The following RPGRIP1L variants were observed in gnomAD, a reference collection of about 807,000 sequenced individuals.
RPGRIP1L encodes protein fantom.
RPGRIP1L carries 131 observed loss-of-function variants against 160.4 expected under a neutral mutation model. The observed-to-expected ratio is 0.82, with a 90% confidence interval of 0.71 to 0.94. The LOEUF (loss-of-function observed/expected upper bound fraction) is 0.94. RPGRIP1L is among the 40% of genes least tolerant of loss of function. The pLI is 0.00. For missense variants in RPGRIP1L, 1,522 were observed against 1,535.8 expected (o/e 0.99, Z 0.15); for synonymous variants, 510 against 515.8 (o/e 0.99, Z 0.15).
chr16:53,702,773 C>G (rs996507233), intron 1 of RPGRIP1L, among the ~76,000 whole-genome samples: 1 of 151,878 alleles, frequency 6.6e-6, no homozygotes, highest in Non-Finnish European at 1.5e-5. Flanking sequence ...CCACCTCAGC[C>G]TCCCGAGTAG....
At chr16:53,657,381 T>C in intron 13 of RPGRIP1L, 72 bp downstream of exon 13, 2 of 1,019,146 alleles carry the variant, frequency 2.0e-6, no homozygotes, top group East Asian at 2.5e-5. Flanking sequence ...GGTGATAACA[T>C]ACAGTATTTA....
chr16:53,672,965 C>A lies in RPGRIP1L; in HGVS notation c.934G>T (p.Glu312Ter). The A allele has an allele frequency of 6.2e-7, 1 of 1,613,252 alleles. No individual in the cohort carries two copies. Among genetic ancestry groups the A allele is most frequent in the Non-Finnish European group, 8.5e-7 (1 of 1,179,514 alleles). The stretch of plus-strand genomic sequence containing the variant: ...TGCTCTTTAAGTTGCATGTTTAATT[C>A]ATCCCCATTTGCCATCAAAGCATCG... ...SHDALMANGD[E>*]LNMQLKEQRL... The change falls in exon 8 of 27, where the codon GAA becomes TAA. Residue 312 changes from glutamate (E) to a stop codon, truncating the protein, a stop_gained. Coordinates refer to ENST00000647211, the MANE Select transcript of RPGRIP1L (RefSeq NM_015272.5). LOFTEE classifies it high-confidence loss of function.
Position 53,641,419 on chromosome 16 carries a change from A to T in RPGRIP1L, c.2740T>A (p.Leu914Met). ...KHPAGTIHVI[L>M]KWKFAYLPPS... ...GGAAGGTAAGCAAATTTCCATTTCA[A>T]TATAACATGGATGGTGCCAGCAGGA... The change falls in exon 18 of 27, where the codon TTG (leucine) becomes ATG (methionine). Residue 914 changes from leucine (L) to methionine (M), a missense_variant. By Grantham distance (15) the Leu-to-Met change is conservative (BLOSUM62 2). Coordinates refer to ENST00000647211, the MANE Select transcript of RPGRIP1L (RefSeq NM_015272.5). 1 of 1,613,994 alleles carries T rather than the reference A, an allele frequency of 6.2e-7. No homozygotes were observed. The highest frequency in any genetic ancestry group is 1.1e-5 in the South Asian group (1 of 91,080).
At position 53,687,935 on chromosome 16, in the gene RPGRIP1L, T is replaced by C. The variant is rs767678013; in HGVS notation, c.560A>G (p.Glu187Gly). The C allele has an allele frequency of 6.2e-7, 1 of 1,609,130 alleles. No individual in the cohort carries two copies. Among genetic ancestry groups the C allele is most frequent in the Admixed American group, 1.7e-5 (1 of 59,996 alleles). ...GIKFQDADVA[E>G]TPHPMFTKYG... is the part of the protein sequence containing the mutation. The stretch of plus-strand genomic sequence containing the variant: ...TTTTGTAAACATGGGATGTGGAGTT[T>C]CTGCTACATCTGCATCTTGGAATTT... The change falls in exon 5 of 27, where the codon GAA becomes GGA. Residue 187 changes from glutamate (E) to glycine (G), a missense_variant. Physicochemically the swap from Glu to Gly is moderately conservative, Grantham distance 98. Transcript: ENST00000647211.
chr16:53,702,219 A>G (rs957181729), intron 1 of RPGRIP1L, among the ~76,000 whole-genome samples: 1 of 152,192 alleles, frequency 6.6e-6, no homozygotes, highest in African/African-American at 2.4e-5. Context: ...TTTACAAATG[A>G]GGAAGCTGAG....
chr16:53,697,390 C>G (rs772583816), intron 2 of RPGRIP1L, among the ~76,000 whole-genome samples: 96 of 152,032 alleles, frequency 6.3e-4, no homozygotes, highest in Non-Finnish European at 1.2e-3. Context: ...CCTCTCTTTC[C>G]ACGGTCTCCC....
At chr16:53,651,362 T>G (rs2151116306) in intron 15 of RPGRIP1L, among the ~76,000 whole-genome samples, 1 of 152,284 alleles carries the variant, frequency 6.6e-6, no homozygotes, top group South Asian at 2.1e-4. Flanking sequence ...ATCAATACAA[T>G]AGCCTGAGAA....
At chr16:53,634,638 G>A (rs1004487938) in intron 22 of RPGRIP1L, among the ~76,000 whole-genome samples, 5 of 151,930 alleles carry the variant, frequency 3.3e-5, no homozygotes, top group African/African-American at 1.2e-4. Context: ...TAAAGAACCT[G>A]GCAACTCTCA....
At chr16:53,691,007 A>G (rs1342709178) in intron 4 of RPGRIP1L, among the ~76,000 whole-genome samples, 1 of 152,064 alleles carries the variant, frequency 6.6e-6, no homozygotes, top group African/African-American at 2.4e-5. Context: ...GGCCTTATTG[A>G]CTTCAAAGGA....
intron 6 of RPGRIP1L, among the ~76,000 whole-genome samples, chr16:53,685,997 T>A (rs1969980499): frequency 6.6e-6 from 1 of 152,194 alleles, no homozygotes; most frequent in South Asian, 2.1e-4. Context: ...ATATTAGGGA[T>A]CTTTTTGGGA....
chr16:53,659,184 T>G, intron 10 of RPGRIP1L: 1 of 953,664 alleles, frequency 1.0e-6, no homozygotes, highest in Non-Finnish European at 1.3e-6. Flanking sequence ...CCTGAGAAAA[T>G]GTGTTTCAAA....
At chr16:53,660,423 T>C (rs1967678348) in intron 10 of RPGRIP1L, among the ~76,000 whole-genome samples, 1 of 152,224 alleles carries the variant, frequency 6.6e-6, no homozygotes, top group Admixed American at 6.5e-5. Flanking sequence ...AATATGTTTC[T>C]GACTTTTATA....
At chr16:53,695,251 G>T in intron 3 of RPGRIP1L, 1 of 679,360 alleles carries the variant, frequency 1.5e-6, no homozygotes, top group Non-Finnish European at 2.7e-6. Flanking sequence ...GGTCAGAAAA[G>T]GAATCAGGCA....
chr16:53,674,739 C>T (rs1304826158), intron 7 of RPGRIP1L, among the ~76,000 whole-genome samples: 1 of 151,810 alleles, frequency 6.6e-6, no homozygotes, highest in Non-Finnish European at 1.5e-5. Context: ...AAATAAATTT[C>T]CTTGGTAGAA....
intron 3 of RPGRIP1L, chr16:53,695,414 A>T (rs1970681162): frequency 1.3e-5 from 9 of 702,554 alleles, no homozygotes; most frequent in Non-Finnish European, 2.3e-5. Flanking sequence ...AAGCAGAAAA[A>T]CCCTATTTTC....
intron 14 of RPGRIP1L, among the ~76,000 whole-genome samples, chr16:53,655,043 T>C (rs1439669913): frequency 6.6e-6 from 1 of 152,202 alleles, no homozygotes; most frequent in African/African-American, 2.4e-5. Flanking sequence ...AATGGTAAAG[T>C]GTAATCTGCC....
rs1224133228 is a variant in RPGRIP1L at position 53,611,012 on chromosome 16, T to G, written c.3656A>C (p.Asp1219Ala). The change falls in exon 25 of 27, where the codon GAC becomes GCC. Residue 1219 changes from aspartate to alanine, a missense_variant. Transcript: ENST00000647211. ...TTTTTGTAGTATAGCTTTTAAGATG[T>G]CTCTCTTTGCTTTGTTGTTTTCTTT... ...VDKENNKAKRDILKAILQKQE... is the reference protein window; with the variant it reads ...VDKENNKAKRAILKAILQKQE... The G allele has an allele frequency of 6.2e-7, 1 of 1,613,466 alleles. No individual in the cohort carries two copies. The highest frequency in any genetic ancestry group is 8.5e-7 in the Non-Finnish European group (1 of 1,179,638).
intron 24 of RPGRIP1L, among the ~76,000 whole-genome samples, chr16:53,616,791 G>C (rs1180322097): frequency 6.6e-6 from 1 of 151,926 alleles, no homozygotes; most frequent in Non-Finnish European, 1.5e-5. Context: ...GCACAACCAG[G>C]CTGGGCATGG....
intron 9 of RPGRIP1L, among the ~76,000 whole-genome samples, chr16:53,668,144 C>T (rs1183032628): frequency 6.6e-6 from 1 of 151,824 alleles, no homozygotes; most frequent in Non-Finnish European, 1.5e-5. Context: ...GGATATTTCA[C>T]TTACTGAAAG....
Sources: gnomAD v4.1 joint callset for allele counts (sites outside exome capture counted in the v4.1 genomes callset) on GRCh38, gnomAD v4.1.1 for gene constraint, MANE v1.5 for transcripts, NCBI Gene and HGNC (gene_info 2026-07-23, HGNC 2026-07-21) for gene names.